Variants in MEIS2 observed in about 807,000 individuals in gnomAD.
MEIS2 encodes Meis homeobox 2.
MEIS2 carries 9 observed loss-of-function variants against 58.6 expected under a neutral mutation model. The observed-to-expected ratio is 0.15, with a 90% CI of 0.09 to 0.27. MEIS2 has a LOEUF of 0.27. MEIS2 is among the 10% of genes least tolerant of loss of function. The pLI, the probability that MEIS2 is intolerant of heterozygous loss-of-function variation, is 1.00. For missense variants in MEIS2, 427 were observed against 635.0 expected, an observed-to-expected ratio of 0.67 and a Z score of 3.52; for synonymous variants, 221 against 228.4, an observed-to-expected ratio of 0.97 and a Z score of 0.29.
intron 8 of MEIS2, among the ~76,000 whole-genome samples, chr15:37,016,234 T>G (rs1279711743): frequency 6.6e-6 from 1 of 152,230 alleles, no homozygotes; most frequent in Non-Finnish European, 1.5e-5. Flanking sequence ...GATTTATAGC[T>G]TCACTGCTCC....
At position 36,892,382 on chromosome 15, in the gene MEIS2, G is replaced by T; in HGVS notation, c.1225C>A (p.Pro409Thr). The T allele has an allele frequency of 6.2e-7, 1 of 1,613,954 alleles. No individual in the cohort carries two copies. The highest frequency in any genetic ancestry group is 8.5e-7 in the Non-Finnish European group (1 of 1,179,950). ...GMSMAQPSYT[P>T]PQMTPHPTQL... ...GTAGGGTGTGGGGTCATCTGGGGAG[G>T]AGTGTAACTTGGCTGTGCCATACTC... Residue 409 changes from proline to threonine, a missense_variant, in exon 12 of 12, where the codon CCT (proline) becomes ACT (threonine). This residue lies in a region of MEIS2 where 154 missense variants were observed against 148.1 expected (regional missense o/e 1.04). Transcript: ENST00000561208.
At chr15:36,982,130 A>G (rs1284389370) in intron 8 of MEIS2, among the ~76,000 whole-genome samples, 1 of 152,090 alleles carries the variant, frequency 6.6e-6, no homozygotes, top group East Asian at 1.9e-4. Context: ...TTCACACAAT[A>G]AATTTCCTCC....
intron 8 of MEIS2, among the ~76,000 whole-genome samples, chr15:36,952,607 C>CTG (rs59061267): frequency 0.052 from 7,251 of 139,900 alleles, 231 homozygotes; most frequent in Middle Eastern, 0.075. Flanking sequence ...GTCTCTCTCT[C>CTG]TGTGTGTGTG....
At chr15:36,964,462 T>A (rs2059291626) in intron 8 of MEIS2, among the ~76,000 whole-genome samples, 1 of 152,216 alleles carries the variant, frequency 6.6e-6, no homozygotes, top group Admixed American at 6.5e-5. Flanking sequence ...TTAGAACCAC[T>A]TAGTTGGGAG....
chr15:36,907,388 C>G (rs1048633590), intron 9 of MEIS2, among the ~76,000 whole-genome samples: 12 of 152,220 alleles, frequency 7.9e-5, no homozygotes, highest in African/African-American at 2.7e-4. Context: ...GGCCAAACCA[C>G]CCCAACACAC....
chr15:37,088,084 C>T (rs1172621672), intron 6 of MEIS2, among the ~76,000 whole-genome samples: 1 of 152,112 alleles, frequency 6.6e-6, no homozygotes, highest in Admixed American at 6.5e-5. Flanking sequence ...TGCTGGCATG[C>T]CACCTCTCAC....
intron 11 of MEIS2, among the ~76,000 whole-genome samples, chr15:36,892,976 GC>G (rs1298125299): frequency 1.3e-5 from 2 of 152,084 alleles, no homozygotes; most frequent in Non-Finnish European, 2.9e-5. Context: ...TTAAAATGAA[GC>G]CCCCTTTTTG....
At chr15:37,030,177 T>G (rs2061856885) in intron 8 of MEIS2, among the ~76,000 whole-genome samples, 1 of 152,162 alleles carries the variant, frequency 6.6e-6, no homozygotes, top group Non-Finnish European at 1.5e-5. Flanking sequence ...TCTGAACTAC[T>G]CCATAGCCCA....
At chr15:37,063,611 T>C (rs914231093) in intron 7 of MEIS2, among the ~76,000 whole-genome samples, 1 of 152,216 alleles carries the variant, frequency 6.6e-6, no homozygotes, top group Non-Finnish European at 1.5e-5. Context: ...GATGATAATC[T>C]TGCTATTGCT....
intron 9 of MEIS2, 77 bp from the exon 10 acceptor site, chr15:36,896,763 A>T: frequency 1.8e-6 from 2 of 1,084,718 alleles, no homozygotes; most frequent in Non-Finnish European, 2.8e-6. Flanking sequence ...AATGCTGAGG[A>T]GCACAAAATA....
In MEIS2 at chr15:36,975,223, A is replaced by T. The variant is rs573260628; in HGVS notation, c.901-24823T>A. Among the ~76,000 whole-genome samples, 13 of 152,298 alleles carry T rather than the reference A, an allele frequency of 8.5e-5. No individual in the cohort carries two copies. The South Asian group carries it at 2.5e-3, about 29-fold the overall frequency. On this transcript the variant is annotated intron_variant, in intron 8 of 11. Coordinates refer to ENST00000561208, the MANE Select transcript of MEIS2 (RefSeq NM_170675.5). ...CAATAACATTTTTAGTGTTTTATTT[A>T]TGCAAGCAAAAATGCTCCTCAAATC...
chr15:37,019,836 T>C (rs2061464863), intron 8 of MEIS2, among the ~76,000 whole-genome samples: 1 of 152,194 alleles, frequency 6.6e-6, no homozygotes, highest in South Asian at 2.1e-4. Flanking sequence ...GCACTGGCTT[T>C]CAAGTGCTGT....
At chr15:37,002,750 T>G (rs1239012598) in intron 8 of MEIS2, among the ~76,000 whole-genome samples, 1 of 152,160 alleles carries the variant, frequency 6.6e-6, no homozygotes, top group Non-Finnish European at 1.5e-5. Context: ...ACATTTACTT[T>G]CATTTAAACG....
chr15:36,908,133 A>T (rs2056831760), intron 9 of MEIS2, among the ~76,000 whole-genome samples: 1 of 152,198 alleles, frequency 6.6e-6, no homozygotes, highest in African/African-American at 2.4e-5. Context: ...CCAAATTCCA[A>T]ATAAAATTTC....
At chr15:37,054,043 G>A (rs1311893127) in intron 7 of MEIS2, among the ~76,000 whole-genome samples, 1 of 152,200 alleles carries the variant, frequency 6.6e-6, no homozygotes, top group Non-Finnish European at 1.5e-5. Context: ...TGCCTTGCCT[G>A]TAGCACTTTC....
intron 9 of MEIS2, among the ~76,000 whole-genome samples, chr15:36,900,068 G>A (rs2056388812): frequency 6.6e-6 from 1 of 152,096 alleles, no homozygotes; most frequent in Admixed American, 6.5e-5. Context: ...AATTCTCTAA[G>A]TTTTAATGTC....
intron 8 of MEIS2, among the ~76,000 whole-genome samples, chr15:36,991,776 TTTTTTTC>T (rs1490153923): frequency 0.011 from 1,213 of 107,276 alleles, 111 homozygotes; most frequent in African/African-American, 0.042. Flanking sequence ...ATTTTCTTTT[TTTTTTTC>T]TTTTTTTTTT....
At chr15:36,921,904 G>A (rs969241490) in intron 9 of MEIS2, among the ~76,000 whole-genome samples, 8 of 152,188 alleles carry the variant, frequency 5.3e-5, no homozygotes, top group African/African-American at 1.9e-4. Flanking sequence ...TTGCCCTTAC[G>A]TACGAGGGCT....
At position 37,099,551 on chromosome 15, in the gene MEIS2, CTT is replaced by C. The variant is rs111602525; in HGVS notation, c.-87_-86del. ...AGAAAGTGATCTAGGCTGAAGATTCCTTTTTTTTTTTTCCAAACCAAAGAGAC... is the reference window on the plus strand; with the variant it reads ...AGAAAGTGATCTAGGCTGAAGATTCCTTTTTTTTTTCCAAACCAAAGAGAC... On this transcript the variant is annotated 5_prime_UTR_variant, in exon 1 of 12. Transcript: ENST00000561208. 767 of 1,186,382 alleles carry C rather than the reference CTT, an allele frequency of 6.5e-4. No individual in the cohort carries two copies. Among genetic ancestry groups the C allele is most frequent in the South Asian group, 1.5e-3 (99 of 64,262 alleles). The allele number at this position is 1,186,382 out of a possible 1,614,324, so 73.5% of individuals were successfully genotyped here.
Sources: allele counts gnomAD v4.1 joint callset (sites outside exome capture counted in the v4.1 genomes callset), GRCh38; gene constraint gnomAD v4.1.1; regional missense constraint gnomAD v4.1.1; transcripts MANE v1.5; gene names NCBI Gene and HGNC (gene_info 2026-07-23, HGNC 2026-07-21).